Variants in RGS6 observed in about 807,000 individuals in gnomAD.
RGS6 encodes regulator of G-protein signaling 6.
A neutral mutation model predicts 78.5 loss-of-function variants in RGS6; 30 were observed. That is an observed-to-expected ratio of 0.38 (90% CI 0.29 to 0.52). RGS6 has a LOEUF of 0.52. RGS6 is among the 20% of genes least tolerant of loss of function. RGS6 has a pLI of 0.85. For synonymous variants in RGS6, 206 were observed against 206.0 expected (o/e 1.00, Z 0.00); for missense variants, 495 against 609.7 (o/e 0.81, Z 1.98).
the RGS6 span, among the ~76,000 whole-genome samples, chr14:72,587,402 C>T: frequency 3.3e-5 from 5 of 152,128 alleles, no homozygotes; most frequent in Middle Eastern, 3.4e-3. Flanking sequence ...TCTATCACCT[C>T]GCCCCTTGTT....
intron 3 of RGS6, among the ~76,000 whole-genome samples, chr14:72,391,164 GTTAA>G (rs1192013101): frequency 3.6e-4 from 55 of 152,204 alleles, no homozygotes; most frequent in Admixed American, 3.6e-3. Context: ...GCATGAATGT[GTTAA>G]TTGTTTTTCT....
At chr14:72,538,149 T>G (rs2097274537) in intron 16 of RGS6, among the ~76,000 whole-genome samples, 1 of 152,216 alleles carries the variant, frequency 6.6e-6, no homozygotes, top group South Asian at 2.1e-4. Flanking sequence ...CCTGAGAGTC[T>G]CCAGGTATGG....
the RGS6 span, among the ~76,000 whole-genome samples, chr14:72,580,170 G>A: frequency 2.6e-5 from 4 of 152,214 alleles, no homozygotes; most frequent in Non-Finnish European, 5.9e-5. Flanking sequence ...CTGTATGACA[G>A]ACGCAAATTC....
rs1384121984 is a variant in RGS6, at chr14:72,518,516, A to T, written c.1257A>T (p.Arg419Ser). ...ITSQNVKDGG[R>S]YTFEDAQEHI... is the part of the protein sequence containing the mutation. ...GTCAAAATGTCAAAGATGGAGGGAG[A>T]TATACATTTGAAGACGCCCAGGTTT... The change falls in exon 15 of 18, where the codon AGA (arginine) becomes AGT (serine). Residue 419 changes from arginine to serine, a missense_variant. Physicochemically the swap from Arg to Ser is moderately radical, Grantham distance 110 (BLOSUM62 -1). Transcript: ENST00000553525. 1 of 1,614,168 alleles carries T rather than the reference A, an allele frequency of 6.2e-7. No homozygotes were observed. Among genetic ancestry groups the T allele is most frequent in the East Asian group, 2.2e-5 (1 of 44,880 alleles).
chr14:71,953,377 A>G (rs2092512085), intron 1 of RGS6, among the ~76,000 whole-genome samples: 1 of 152,224 alleles, frequency 6.6e-6, no homozygotes, highest in South Asian at 2.1e-4. Context: ...AGAAGTGATC[A>G]TAGACAATAA....
intron 2 of RGS6, among the ~76,000 whole-genome samples, chr14:72,162,507 C>T (rs2096866665): frequency 6.6e-6 from 1 of 152,010 alleles, no homozygotes; most frequent in South Asian, 2.1e-4. Context: ...CTAAGGAGGC[C>T]AGTCCAGGAG....
chr14:71,947,984 T>A (rs1206849937), intron 1 of RGS6, among the ~76,000 whole-genome samples: 1 of 152,114 alleles, frequency 6.6e-6, no homozygotes, highest in Non-Finnish European at 1.5e-5. Context: ...AACAAAAAAA[T>A]ACCAATAACC....
At chr14:71,963,009 C>T (rs1055935535) in intron 1 of RGS6, among the ~76,000 whole-genome samples, 7 of 152,138 alleles carry the variant, frequency 4.6e-5, no homozygotes, top group African/African-American at 1.7e-4. Flanking sequence ...TGAGGGATAA[C>T]ATTTGTATAG....
intron 17 of RGS6, among the ~76,000 whole-genome samples, chr14:72,544,273 T>C (rs2097363682): frequency 6.6e-6 from 1 of 152,196 alleles, no homozygotes; most frequent in Non-Finnish European, 1.5e-5. Flanking sequence ...GAAAGTCCTT[T>C]GCTCCTCTGT....
intron 2 of RGS6, among the ~76,000 whole-genome samples, chr14:72,059,330 C>T (rs976843772): frequency 6.6e-6 from 1 of 152,142 alleles, no homozygotes. Flanking sequence ...CTTAAAAGTT[C>T]TCCTAATGCA....
intron 1 of RGS6, among the ~76,000 whole-genome samples, chr14:71,948,753 T>TTTTTTTTTTA (rs2091929129): frequency 3.5e-5 from 5 of 143,180 alleles, no homozygotes; most frequent in African/African-American, 1.3e-4. Flanking sequence ...TTTTTTTTTT[T>TTTTTTTTTTA]TTTTTTTTTT....
intron 2 of RGS6, among the ~76,000 whole-genome samples, chr14:72,057,221 G>A (rs912161533): frequency 6.6e-6 from 1 of 150,444 alleles, no homozygotes; most frequent in African/African-American, 2.5e-5. Context: ...GGCTGAGGGA[G>A]GTGAATTGCT....
chr14:72,128,460 C>G (rs2096248686), intron 2 of RGS6, among the ~76,000 whole-genome samples: 2 of 151,962 alleles, frequency 1.3e-5, no homozygotes. Context: ...CAATATAGTA[C>G]ACTATATTCA....
At chr14:72,431,307 T>C (rs1457870668) in intron 3 of RGS6, among the ~76,000 whole-genome samples, 1 of 152,204 alleles carries the variant, frequency 6.6e-6, no homozygotes. Context: ...CTTGATGAGA[T>C]AGGGCCCTGA....
rs2096032016 is a variant in RGS6, at chr14:72,470,098, T to C, written c.536+15T>C. 2 of 1,583,294 alleles carry C rather than the reference T, an allele frequency of 1.3e-6. 1 individual carries two copies. Among genetic ancestry groups the C allele is most frequent in the Non-Finnish European group, 1.7e-6 (2 of 1,152,344 alleles). Reference sequence around the variant, plus strand: ...GCACAAGTAAAGTAGGTGAACTTGATAGAGACCTTTTCAGAGAGGAAAAGA... The same window carrying C: ...GCACAAGTAAAGTAGGTGAACTTGACAGAGACCTTTTCAGAGAGGAAAAGA... On this transcript the variant is annotated intron_variant, in intron 8 of 17. Coordinates refer to ENST00000553525, the MANE Select transcript of RGS6 (RefSeq NM_001204424.2).
chr14:72,093,659 T>A (rs1238085555), intron 2 of RGS6, among the ~76,000 whole-genome samples: 1 of 152,224 alleles, frequency 6.6e-6, no homozygotes, highest in Non-Finnish European at 1.5e-5. Context: ...AGTTTCTAAG[T>A]CAGACTCTGT....
chr14:72,252,198 C>T (rs2055974072), intron 2 of RGS6, among the ~76,000 whole-genome samples: 1 of 152,218 alleles, frequency 6.6e-6, no homozygotes, highest in East Asian at 1.9e-4. Flanking sequence ...ATATGATTCA[C>T]TCATGCGTAT....
At chr14:72,037,032 C>T (rs1001805849) in intron 2 of RGS6, among the ~76,000 whole-genome samples, 1 of 152,088 alleles carries the variant, frequency 6.6e-6, no homozygotes, top group South Asian at 2.1e-4. Context: ...TGTAAATACA[C>T]CAATCAGCAC....
intron 2 of RGS6, among the ~76,000 whole-genome samples, chr14:72,002,232 G>A (rs996124166): frequency 4.6e-5 from 7 of 152,058 alleles, no homozygotes; most frequent in African/African-American, 1.7e-4. Flanking sequence ...TTGAGAGATA[G>A]GCACCCCAAG....
Sources: allele counts gnomAD v4.1 joint callset (sites outside exome capture counted in the v4.1 genomes callset), GRCh38; gene constraint gnomAD v4.1.1; transcripts MANE v1.5; gene names NCBI Gene and HGNC (gene_info 2026-07-23, HGNC 2026-07-21).